MAT1A: variants seen among roughly 807,000 people sequenced by gnomAD.
MAT1A encodes the protein S-adenosylmethionine synthase isoform type-1.
A neutral mutation model predicts 44.0 loss-of-function variants in MAT1A; 19 were observed. The observed-to-expected ratio is 0.43, with a 90% CI of 0.30 to 0.63. The LOEUF is 0.63. Among genes scored for constraint, MAT1A ranks in the 30% least tolerant of loss-of-function variants. The pLI is 0.12. For missense variants in MAT1A, 397 were observed against 531.0 expected (o/e 0.75, Z 2.48); for synonymous variants, 205 against 205.6 (o/e 1.00, Z 0.03).
intron 3 of MAT1A, among the ~76,000 whole-genome samples, chr10:80,283,178 G>A (rs1299782748): frequency 6.6e-6 from 1 of 152,268 alleles, no homozygotes. Context: ...TGAAGCTCCT[G>A]CAGAATGTGA....
At chr10:80,284,181 G>T in intron 2 of MAT1A, 143 bp from the exon 3 acceptor site, 1 of 1,098,938 alleles carries the variant, frequency 9.1e-7, no homozygotes. Context: ...AAATAGAAAC[G>T]CCAATAAAAA....
In MAT1A at chr10:80,276,593, A is replaced by G; in HGVS notation, c.551T>C (p.Val184Ala). ...ATTGTCCTGCATGTACTGAACTGTC[A>G]CCTGTCCATCAGAAGGGTGGGGGAG... is the stretch of plus-strand genomic sequence containing the variant. Reference protein sequence around the residue: ...PWLRPDSKTQVTVQYMQDNGA... With the variant: ...PWLRPDSKTQATVQYMQDNGA... Residue 184 changes from valine to alanine, a missense_variant and splice_region_variant, in exon 6 of 9, where the codon GTG becomes GCG. Physicochemically the swap from Val to Ala is moderately conservative, Grantham distance 64. Coordinates refer to ENST00000372213, the MANE Select transcript of MAT1A (RefSeq NM_000429.3). 6.2e-7 allele frequency: 1 copy of G among 1,610,440 alleles called. No individual in the cohort carries two copies. The highest frequency in any genetic ancestry group is 8.5e-7 in the Non-Finnish European group (1 of 1,179,960).
At chr10:80,274,805 G>C in intron 7 of MAT1A, 152 bp from the exon 8 acceptor site, 1 of 1,269,816 alleles carries the variant, frequency 7.9e-7, no homozygotes, top group Non-Finnish European at 1.1e-6. Flanking sequence ...TTCACCGAGG[G>C]CAGTTCTTCT....
At chr10:80,275,432 G>A in intron 6 of MAT1A, 1 of 585,320 alleles carries the variant, frequency 1.7e-6, no homozygotes, top group Non-Finnish European at 3.1e-6. Context: ...AAGTGCAGAA[G>A]GTGGGCCAGG....
chr10:80,275,504 G>A, intron 6 of MAT1A: 1 of 460,292 alleles, frequency 2.2e-6, no homozygotes, highest in East Asian at 4.4e-5. Context: ...ACAATGGAGA[G>A]ATCCAACTGC....
chr10:80,284,976 A>G (rs1042857113), intron 2 of MAT1A, among the ~76,000 whole-genome samples: 8 of 152,248 alleles, frequency 5.3e-5, no homozygotes, highest in Non-Finnish European at 1.2e-4. Flanking sequence ...TTGAAAAACA[A>G]TTGGTGAAGA....
rs1841430472 is a variant in MAT1A, at chr10:80,273,039, AGACAACGGTG to A, written c.*732_*741del. ...ATTGTTTGAGCCTGTTACTGGCATG[AGACAACGGTG>A]GGGGAGGGGGTATGTCACAGGCTCC... On this transcript the variant is annotated 3_prime_UTR_variant, in exon 9 of 9. Coordinates refer to ENST00000372213, the MANE Select transcript of MAT1A (RefSeq NM_000429.3). 1 of 152,374 alleles carries A rather than the reference AGACAACGGTG, an allele frequency of 6.6e-6. No individual in the cohort carries two copies. The highest frequency in any genetic ancestry group is 1.5e-5 in the Non-Finnish European group (1 of 68,278). 9.4% of individuals were successfully genotyped at this position (152,374 alleles called of 1,614,324 possible).
At position 80,273,839 on chromosome 10, in the gene MAT1A, T is replaced by C; in HGVS notation, c.1130A>G (p.Tyr377Cys). The C allele has an allele frequency of 6.2e-7, 1 of 1,611,704 alleles. No homozygotes were observed. Among genetic ancestry groups the C allele is most frequent in the Non-Finnish European group, 8.5e-7 (1 of 1,177,944 alleles). ...KKPIYQKTAC[Y>C]GHFGRSEFPW... ...GAACTCGCTTCTTCCGAAATGGCCG[T>C]AGCATGCTGTCTTCTGGTAGATGGG... The change falls in exon 9 of 9, where the codon TAC becomes TGC. Residue 377 changes from tyrosine to cysteine, a missense_variant. Tyr to Cys is a radical substitution (Grantham distance 194, BLOSUM62 -2). Coordinates refer to ENST00000372213, the MANE Select transcript of MAT1A (RefSeq NM_000429.3).
intron 3 of MAT1A, among the ~76,000 whole-genome samples, chr10:80,281,274 T>C (rs992432945): frequency 6.6e-6 from 1 of 152,076 alleles, no homozygotes; most frequent in Non-Finnish European, 1.5e-5. Context: ...CTATTAAACA[T>C]ACTGAACAAA....
At chr10:80,274,094 C>G (rs1178223924) in intron 8 of MAT1A, among the ~76,000 whole-genome samples, 1 of 152,184 alleles carries the variant, frequency 6.6e-6, no homozygotes, top group Non-Finnish European at 1.5e-5. Context: ...GGTTCAGGGA[C>G]CAGGATCTAA....
chr10:80,283,882 A>G lies in MAT1A; in HGVS notation c.292+34T>C, dbSNP rs747421345. The G allele has an allele frequency of 9.9e-6, 16 of 1,613,142 alleles. 1 individual carries two copies. The Admixed American group carries it at 1.7e-4, about 17-fold the overall frequency. The stretch of plus-strand genomic sequence containing the variant: ...ACTGGGGTCTCTATCAGCAGAGAGC[A>G]ACAGGGATTTCAGACCCGGAGGCCT... On this transcript the variant is annotated intron_variant, in intron 3 of 8. Transcript: ENST00000372213.
chr10:80,278,970 G>C (rs563679167), intron 5 of MAT1A, among the ~76,000 whole-genome samples: 1 of 152,184 alleles, frequency 6.6e-6, no homozygotes, highest in Non-Finnish European at 1.5e-5. Context: ...AGAAACAAGG[G>C]GACAATGAGT....
At chr10:80,284,915 C>T (rs1841622317) in intron 2 of MAT1A, among the ~76,000 whole-genome samples, 1 of 152,202 alleles carries the variant, frequency 6.6e-6, no homozygotes, top group Admixed American at 6.5e-5. Flanking sequence ...GGAGCCAGGG[C>T]TTCAGTACTT....
chr10:80,279,106 A>G (rs535258346), intron 5 of MAT1A, among the ~76,000 whole-genome samples: 4 of 152,324 alleles, frequency 2.6e-5, no homozygotes, highest in Non-Finnish European at 4.4e-5. Context: ...AGGAAGCCCA[A>G]AGTTGTAGAA....
intron 1 of MAT1A, among the ~76,000 whole-genome samples, chr10:80,287,316 T>G (rs969123894): frequency 1.3e-5 from 2 of 152,250 alleles, no homozygotes; most frequent in East Asian, 1.9e-4. Flanking sequence ...CTTTCAAAAT[T>G]TTTATCAATA....
intron 1 of MAT1A, 33 bp from the exon 2 acceptor site, chr10:80,285,622 A>G (rs1023567040): frequency 2.2e-6 from 3 of 1,384,810 alleles, no homozygotes; most frequent in Non-Finnish European, 3.1e-6. Flanking sequence ...CAGAATCACA[A>G]AAATATTCGG....
chr10:80,281,886 C>G (rs983862310), intron 3 of MAT1A, among the ~76,000 whole-genome samples: 1 of 152,280 alleles, frequency 6.6e-6, no homozygotes, highest in South Asian at 2.1e-4. Flanking sequence ...CTGCCTAGAA[C>G]GTTCTACCTC....
Position 80,283,916 on chromosome 10 carries a change from C to G in MAT1A, c.292G>C (p.Gly98Arg). ...TTCAGACCCGGAGGCCTGCCCTCAC[C>G]CTTGGCTGAGTCATCGTAGCCGATG... is the stretch of plus-strand genomic sequence containing the variant. Reference protein sequence around the residue: ...KHIGYDDSAKGFDFKTCNVLV... With the variant: ...KHIGYDDSAKRFDFKTCNVLV... Residue 98 changes from glycine (G) to arginine (R), a missense_variant and splice_region_variant, in exon 3 of 9, where the codon GGC (glycine) becomes CGC (arginine). Coordinates refer to ENST00000372213, the MANE Select transcript of MAT1A (RefSeq NM_000429.3). 1.9e-6 allele frequency: 3 copies of G among 1,614,066 alleles called. No individual in the cohort carries two copies. Among genetic ancestry groups the G allele is most frequent in the Non-Finnish European group, 2.5e-6 (3 of 1,180,044 alleles).
intron 2 of MAT1A, among the ~76,000 whole-genome samples, chr10:80,284,639 C>T (rs904439707): frequency 6.6e-6 from 1 of 152,214 alleles, no homozygotes; most frequent in African/African-American, 2.4e-5. Context: ...GTAAGGAGAG[C>T]AAGGCTCTGG....
Sources: allele counts gnomAD v4.1 joint callset (sites outside exome capture counted in the v4.1 genomes callset), GRCh38; gene constraint gnomAD v4.1.1; transcripts MANE v1.5; gene names NCBI Gene and HGNC (gene_info 2026-07-23, HGNC 2026-07-21).